Variants in MCPH1 observed in about 807,000 individuals in gnomAD.
MCPH1 encodes microcephalin.
MCPH1 carries 104 observed loss-of-function variants against 84.5 expected under a neutral mutation model. The observed-to-expected ratio is 1.23, with a 90% confidence interval of 1.05 to 1.45. The LOEUF is 1.45. Ranked by LOEUF, MCPH1 falls within the 40% of genes most tolerant of loss-of-function variation. The probability of loss-of-function intolerance (pLI) is 0.00; values close to 1 mark genes in which losing one functional copy is unlikely to be tolerated. For synonymous variants in MCPH1, 514 were observed against 366.8 expected, an observed-to-expected ratio of 1.40 and a Z score of -4.58; for missense variants, 1,498 against 1,005.7, an observed-to-expected ratio of 1.49 and a Z score of -6.62.
chr8:6,532,573 T>TAAAA, intron 12 of MCPH1: 2 of 758,436 alleles, frequency 2.6e-6, no homozygotes, highest in Non-Finnish European at 3.5e-6. Context: ...CTCCCTATCT[T>TAAAA]TAAAAAAAAA....
intron 12 of MCPH1, among the ~76,000 whole-genome samples, chr8:6,525,497 T>G (rs1001641481): frequency 6.6e-6 from 1 of 152,232 alleles, no homozygotes; most frequent in Non-Finnish European, 1.5e-5. Context: ...CCCAAAGTGC[T>G]GGGATTATAG....
In MCPH1 at chr8:6,427,886, A is replaced by G. The variant is rs552102193; in HGVS notation, c.234-3613A>G. Among the ~76,000 whole-genome samples, 5 of 150,736 alleles carry G rather than the reference A, an allele frequency of 3.3e-5. No homozygotes were observed. In the South Asian group the frequency reaches 8.4e-4, roughly 25 times the overall value. ...CGGCTCACTGCAACCTCTGCCTCCC[A>G]GGTTCAAGCGATTCTCCTGACTCAG... On this transcript the variant is annotated intron_variant, in intron 3 of 13. Transcript: ENST00000344683.
At chr8:6,616,919 A>C (rs899217315) in intron 12 of MCPH1, 2 of 152,128 alleles carry the variant, frequency 1.3e-5, no homozygotes, top group African/African-American at 4.8e-5. Context: ...CTTCACTGTA[A>C]AACTCCATTT....
At position 6,647,933 on chromosome 8, in the gene MCPH1, A is replaced by AG. The variant is rs1563238044; in HGVS notation, c.*4884_*4885insG. Reference sequence around the variant, plus strand: ...CAATAAAGCTATTTTTTTTAAAAAAAAGAGAGAGAGAGAACGAGAGCTACA... The same window carrying AG: ...CAATAAAGCTATTTTTTTTAAAAAAAGAGAGAGAGAGAGAACGAGAGCTACA... On this transcript the variant is annotated 3_prime_UTR_variant, in exon 14 of 14. Coordinates refer to ENST00000344683, the MANE Select transcript of MCPH1 (RefSeq NM_024596.5). 7.3e-5 allele frequency: 11 copies of AG among 151,528 alleles called. No homozygotes were observed. Among genetic ancestry groups the AG allele is most frequent in the African/African-American group, 2.7e-4 (11 of 41,294 alleles). 9.4% of individuals were successfully genotyped at this position (151,528 alleles called of 1,614,324 possible). A position where few individuals can be genotyped will look rare whatever the true frequency, so the allele number is the denominator to read the frequency against.
chr8:6,444,367 G>T, intron 7 of MCPH1, 26 bp from the exon 8 acceptor site: 1 of 1,613,668 alleles, frequency 6.2e-7, no homozygotes, highest in Non-Finnish European at 8.5e-7. Flanking sequence ...ACTTTTAAAA[G>T]TTAGCTCTCC....
chr8:6,450,769 G>T (rs1342241696), intron 8 of MCPH1, among the ~76,000 whole-genome samples: 1 of 151,900 alleles, frequency 6.6e-6, no homozygotes, highest in Non-Finnish European at 1.5e-5. Flanking sequence ...TTGAGATAGG[G>T]TCTCACTCTG....
In MCPH1 at chr8:6,473,943, C is replaced by G. The variant is rs956815865; in HGVS notation, c.1936-3651C>G. 3 of 1,423,466 alleles carry G rather than the reference C, an allele frequency of 2.1e-6. No individual in the cohort carries two copies. The African/African-American group carries it at 4.3e-5, about 20-fold the overall frequency. 88.2% of individuals were successfully genotyped at this position (1,423,466 alleles called of 1,614,324 possible). A position where few individuals can be genotyped will look rare whatever the true frequency, so the allele number is the denominator to read the frequency against. On this transcript the variant is annotated intron_variant, in intron 9 of 13. Coordinates refer to ENST00000344683, the MANE Select transcript of MCPH1 (RefSeq NM_024596.5). ...TTATTGCTGGGCAGCCGATGCACAA[C>G]TTCTTCCTTGTAGGATGCCGTGGCT...
chr8:6,473,427 G>T (rs769716747), intron 9 of MCPH1, among the ~76,000 whole-genome samples: 3 of 140,896 alleles, frequency 2.1e-5, no homozygotes, highest in Non-Finnish European at 4.5e-5. Flanking sequence ...GTCTCCCCAG[G>T]TTCACGCCAT....
intron 3 of MCPH1, among the ~76,000 whole-genome samples, chr8:6,418,800 C>G (rs1225279788): frequency 3.3e-5 from 5 of 152,020 alleles, no homozygotes; most frequent in Non-Finnish European, 7.4e-5. Context: ...CAGGATGATC[C>G]TGATCTTCTG....
intron 11 of MCPH1, among the ~76,000 whole-genome samples, chr8:6,488,248 G>A (rs1289006424): frequency 6.6e-6 from 1 of 152,214 alleles, no homozygotes; most frequent in Non-Finnish European, 1.5e-5. Flanking sequence ...AAGACCCCAA[G>A]GTGCGCATTT....
chr8:6,409,097 G>A (rs142468750), intron 1 of MCPH1, among the ~76,000 whole-genome samples, 182 bp from the exon 2 acceptor site: 6 of 152,148 alleles, frequency 3.9e-5, no homozygotes, highest in South Asian at 4.2e-4. Flanking sequence ...ATGTTGGCCC[G>A]GCTGGTCTCA....
At chr8:6,420,795 G>A (rs1452339780) in intron 3 of MCPH1, among the ~76,000 whole-genome samples, 1 of 152,156 alleles carries the variant, frequency 6.6e-6, no homozygotes, top group Non-Finnish European at 1.5e-5. Context: ...AGGTATCCAA[G>A]TTACCGGCAG....
intron 12 of MCPH1, chr8:6,503,192 T>C (rs748743250): frequency 4.3e-6 from 7 of 1,614,230 alleles, no homozygotes; most frequent in Non-Finnish European, 5.9e-6. Flanking sequence ...GTTGAACTTA[T>C]TTGTGTTCTG....
intron 8 of MCPH1, chr8:6,447,442 G>C (rs2129556043): frequency 2.0e-6 from 2 of 984,752 alleles, no homozygotes; most frequent in Middle Eastern, 5.2e-4. Flanking sequence ...GCTGTTGTCA[G>C]TATCTAAGAT....
intron 12 of MCPH1, among the ~76,000 whole-genome samples, chr8:6,576,934 G>A (rs968031837): frequency 6.6e-6 from 1 of 151,936 alleles, no homozygotes; most frequent in Non-Finnish European, 1.5e-5. Context: ...AAGCAATGGC[G>A]CCTCCTTTGA....
intron 3 of MCPH1, among the ~76,000 whole-genome samples, chr8:6,426,522 C>T (rs543244215): frequency 3.3e-5 from 5 of 152,336 alleles, no homozygotes; most frequent in African/African-American, 9.6e-5. Flanking sequence ...GCAGTGGTTT[C>T]ACTTCCTTTT....
Position 6,505,272 on chromosome 8 carries a change from GTATACATATATATGTTA to G in MCPH1, c.2214+5359_2214+5375del, listed in dbSNP as rs1205429375. 6.4e-3 allele frequency among the ~76,000 whole-genome samples: 139 copies of G among 21,856 alleles called. 16 individuals carry two copies. The highest frequency in any genetic ancestry group is 0.023 in the African/African-American group (125 of 5,460). 14.3% of individuals were successfully genotyped at this position (21,856 alleles called of 152,430 possible). Reference sequence around the variant, plus strand: ...TTCTTTATATATGTTTTATATATATGTATACATATATATGTTATATACATATATATGTATATAACATA... The same window carrying G: ...TTCTTTATATATGTTTTATATATATGTATACATATATATGTATATAACATA... On this transcript the variant is annotated intron_variant, in intron 12 of 13. Coordinates refer to ENST00000344683, the MANE Select transcript of MCPH1 (RefSeq NM_024596.5).
intron 11 of MCPH1, among the ~76,000 whole-genome samples, chr8:6,491,561 G>A (rs1378541187): frequency 1.3e-5 from 2 of 151,594 alleles, no homozygotes; most frequent in African/African-American, 2.4e-5. Context: ...TGCCATGCTG[G>A]TGTGCTGCAC....
At chr8:6,480,047 A>G (rs1808984907) in intron 10 of MCPH1, among the ~76,000 whole-genome samples, 1 of 152,182 alleles carries the variant, frequency 6.6e-6, no homozygotes, top group Non-Finnish European at 1.5e-5. Context: ...AATAGGCCTG[A>G]AAAACAAATC....
Sources: allele counts gnomAD v4.1 joint callset (sites outside exome capture counted in the v4.1 genomes callset), GRCh38; gene constraint gnomAD v4.1.1; transcripts MANE v1.5; gene names NCBI Gene and HGNC (gene_info 2026-07-23, HGNC 2026-07-21).